The following CTNNA2 variants were observed in gnomAD, a reference collection of about 807,000 sequenced individuals.
The protein encoded by CTNNA2 is catenin alpha 2, also known as catenin alpha-2.
CTNNA2 carries 42 observed loss-of-function variants against 101.0 expected under a neutral mutation model. The observed-to-expected ratio is 0.42, with a 90% confidence interval of 0.32 to 0.54. The LOEUF (loss-of-function observed/expected upper bound fraction) is 0.54. CTNNA2 is among the 20% of genes least tolerant of loss of function. The pLI is 0.14. For synonymous variants in CTNNA2, 450 were observed against 456.4 expected, an observed-to-expected ratio of 0.99 and a Z score of 0.18; for missense variants, 871 against 1,223.1, an observed-to-expected ratio of 0.71 and a Z score of 4.29.
intron 7 of CTNNA2, among the ~76,000 whole-genome samples, chr2:80,359,012 C>A (rs1265731265): frequency 6.6e-6 from 1 of 151,896 alleles, no homozygotes; most frequent in Non-Finnish European, 1.5e-5. Context: ...TAGAATTGAA[C>A]ATTTTTATTG....
At chr2:80,212,663 A>G (rs1238959367) in intron 7 of CTNNA2, among the ~76,000 whole-genome samples, 1 of 152,216 alleles carries the variant, frequency 6.6e-6, no homozygotes, top group Non-Finnish European at 1.5e-5. Context: ...CATCAGGGAT[A>G]CTAGTCTAAA....
At chr2:80,316,640 G>A (rs191202832) in intron 7 of CTNNA2, among the ~76,000 whole-genome samples, 22 of 152,250 alleles carry the variant, frequency 1.4e-4, no homozygotes, top group East Asian at 3.9e-4. Context: ...CATTAAAACC[G>A]AATGCTGTTG....
intron 7 of CTNNA2, among the ~76,000 whole-genome samples, chr2:79,922,622 A>G (rs1686744882): frequency 6.7e-6 from 1 of 149,444 alleles, no homozygotes; most frequent in Non-Finnish European, 1.5e-5. Context: ...TAAAACCTTT[A>G]AAACCATATC....
intron 7 of CTNNA2, among the ~76,000 whole-genome samples, chr2:80,143,247 A>C (rs1260628181): frequency 6.6e-6 from 1 of 152,188 alleles, no homozygotes; most frequent in Admixed American, 6.6e-5. Flanking sequence ...AAGCAAGTGA[A>C]CATTCCTGAA....
chr2:79,740,269 G>T lies in CTNNA2; in HGVS notation c.103-4118G>T, dbSNP rs74348744. ...TTGTAAGTGAGAACATGCAGTATTC[G>T]ATTTTGTTTGCTAAGGATAATGTCC... On this transcript the variant is annotated intron_variant, in intron 2 of 18. Transcript: ENST00000402739. Among the ~76,000 whole-genome samples, 1,491 of 152,182 alleles carry T rather than the reference G, an allele frequency of 9.8e-3. 61 individuals are homozygous for T. The East Asian group carries it at 0.11, about 12-fold the overall frequency.
intron 4 of CTNNA2, among the ~76,000 whole-genome samples, chr2:79,394,625 T>A (rs983544528): frequency 6.6e-5 from 10 of 152,168 alleles, no homozygotes; most frequent in Admixed American, 2.0e-4. Flanking sequence ...GTAAATCAGA[T>A]CTCTGACCTC....
At chr2:79,289,115 A>G (rs572643427) in intron 2 of CTNNA2, among the ~76,000 whole-genome samples, 5 of 152,060 alleles carry the variant, frequency 3.3e-5, no homozygotes, top group Admixed American at 1.3e-4. Flanking sequence ...GAGAGAATCT[A>G]TTTTCTTCCA....
intron 12 of CTNNA2, among the ~76,000 whole-genome samples, chr2:80,559,367 G>A (rs1009033586): frequency 6.6e-6 from 1 of 152,132 alleles, no homozygotes; most frequent in Non-Finnish European, 1.5e-5. Context: ...ACAGATGAAT[G>A]GCTGCATGGG....
At position 80,460,120 on chromosome 2, in the gene CTNNA2, C is replaced by A. The variant is rs72821994; in HGVS notation, c.1290+40519C>A. 8.3e-3 allele frequency among the ~76,000 whole-genome samples: 1,270 copies of A among 152,186 alleles called. 8 individuals carry two copies. Among genetic ancestry groups the A allele is most frequent in the Non-Finnish European group, 0.015 (1,021 of 68,022 alleles). On this transcript the variant is annotated intron_variant, in intron 9 of 18. Transcript: ENST00000402739. ...GACTCTATACATAAGTCAGATATGA[C>A]CCCATTAAGGAGGATAGTTTACTTC...
intron 6 of CTNNA2, among the ~76,000 whole-genome samples, chr2:79,885,878 C>T (rs566672787): frequency 2.0e-5 from 3 of 152,310 alleles, no homozygotes; most frequent in African/African-American, 7.2e-5. Flanking sequence ...CTACTCCAAG[C>T]TCTACAAATA....
At chr2:79,797,400 A>G (rs1394977766) in intron 3 of CTNNA2, among the ~76,000 whole-genome samples, 1 of 152,098 alleles carries the variant, frequency 6.6e-6, no homozygotes. Flanking sequence ...ATGGCTCACA[A>G]CTATAATCCC....
intron 9 of CTNNA2, among the ~76,000 whole-genome samples, chr2:80,452,764 A>C (rs1683622315): frequency 6.6e-6 from 1 of 151,588 alleles, no homozygotes; most frequent in African/African-American, 2.4e-5. Flanking sequence ...GAGAAGATTC[A>C]ATTTGAGATA....
intron 2 of CTNNA2, among the ~76,000 whole-genome samples, chr2:79,277,143 G>A (rs548526428): frequency 2.4e-4 from 36 of 152,240 alleles, no homozygotes; most frequent in African/African-American, 8.7e-4. Context: ...TTCCTTGGAT[G>A]ATACTTTAAA....
At chr2:79,340,880 A>G (rs1677121516) in intron 3 of CTNNA2, among the ~76,000 whole-genome samples, 1 of 145,540 alleles carries the variant, frequency 6.9e-6, no homozygotes, top group Non-Finnish European at 1.5e-5. Flanking sequence ...ACACATGAGT[A>G]CAGAATCTAG....
intron 7 of CTNNA2, among the ~76,000 whole-genome samples, chr2:80,324,143 A>G (rs1173273235): frequency 6.6e-6 from 1 of 152,174 alleles, no homozygotes; most frequent in Non-Finnish European, 1.5e-5. Context: ...AAAAATATGA[A>G]TTGTTACAAA....
intron 9 of CTNNA2, among the ~76,000 whole-genome samples, chr2:80,487,525 A>G: frequency 6.6e-6 from 1 of 152,090 alleles, no homozygotes; most frequent in East Asian, 1.9e-4. Context: ...AAAGGGGAAA[A>G]GCCCCTTATA....
chr2:80,571,711 C>T (rs1248632037), intron 12 of CTNNA2, among the ~76,000 whole-genome samples: 1 of 152,024 alleles, frequency 6.6e-6, no homozygotes, highest in African/African-American at 2.4e-5. Flanking sequence ...ATTGACTGTC[C>T]CCTGACTCAC....
At chr2:79,494,924 C>T (rs1044788184) in intron 4 of CTNNA2, among the ~76,000 whole-genome samples, 3 of 151,880 alleles carry the variant, frequency 2.0e-5, no homozygotes, top group Admixed American at 6.6e-5. Context: ...TCCTGGCTAA[C>T]ACGGTTCTCT....
At chr2:79,903,913 A>G (rs1574274005) in intron 6 of CTNNA2, among the ~76,000 whole-genome samples, 3 of 152,340 alleles carry the variant, frequency 2.0e-5, no homozygotes, top group African/African-American at 7.2e-5. Flanking sequence ...GGTGCAGCAG[A>G]TGGAGATGGT....
Sources: allele counts gnomAD v4.1 joint callset (sites outside exome capture counted in the v4.1 genomes callset), GRCh38; gene constraint gnomAD v4.1.1; transcripts MANE v1.5; gene names NCBI Gene and HGNC (gene_info 2026-07-23, HGNC 2026-07-21).